Variants in SEPTIN9 observed in about 807,000 individuals in gnomAD.
The protein encoded by SEPTIN9 is septin-9.
A neutral mutation model predicts 56.6 loss-of-function variants in SEPTIN9; 13 were observed. That is an observed-to-expected ratio of 0.23 (90% CI 0.15 to 0.37). SEPTIN9 has a LOEUF of 0.37. SEPTIN9 is among the 10% of genes least tolerant of loss of function. The probability of loss-of-function intolerance (pLI) is 1.00; values close to 1 mark genes in which losing one functional copy is unlikely to be tolerated. For synonymous variants in SEPTIN9, 332 were observed against 334.1 expected (o/e 0.99, Z 0.07); for missense variants, 650 against 823.1 (o/e 0.79, Z 2.57).
intron 2 of SEPTIN9, among the ~76,000 whole-genome samples, chr17:77,393,954 G>C (rs186876575): frequency 9.9e-4 from 151 of 152,268 alleles, no homozygotes; most frequent in Admixed American, 2.2e-3. Flanking sequence ...GCTCAGAGTA[G>C]ACTGTGGTTA....
chr17:77,314,049 A>C (rs1406811209), intron 2 of SEPTIN9, among the ~76,000 whole-genome samples: 1 of 152,012 alleles, frequency 6.6e-6, no homozygotes, highest in Non-Finnish European at 1.5e-5. Context: ...AAAATACAAA[A>C]AGTTAGCTGG....
chr17:77,432,594 C>G (rs546173251), intron 3 of SEPTIN9, among the ~76,000 whole-genome samples: 1 of 152,218 alleles, frequency 6.6e-6, no homozygotes, highest in Admixed American at 6.5e-5. Flanking sequence ...TTAACCCTTC[C>G]GTGCTCGTTT....
At chr17:77,295,155 T>A (rs989808355) in intron 1 of SEPTIN9, among the ~76,000 whole-genome samples, 1 of 152,220 alleles carries the variant, frequency 6.6e-6, no homozygotes, top group Non-Finnish European at 1.5e-5. Context: ...TAATTGATTG[T>A]AGGGAAAATA....
rs1343068827 is a variant in SEPTIN9, at chr17:77,476,921, CTT to C, written c.722-5221_722-5220del. Among the ~76,000 whole-genome samples, 3 of 152,178 alleles carry C rather than the reference CTT, an allele frequency of 2.0e-5. No individual in the cohort carries two copies. The highest frequency in any genetic ancestry group is 6.5e-5 in the Admixed American group (1 of 15,274). On this transcript the variant is annotated intron_variant, in intron 3 of 11. Coordinates refer to ENST00000427177, the MANE Select transcript of SEPTIN9 (RefSeq NM_001113491.2). This position sits in a 1 kb window ranked among gnomAD's most constrained non-coding sequence, Gnocchi z 6.0. Reference sequence around the variant, plus strand: ...GGGCACTTGTGGAAAACACTGGACTCTTTATTTTATTTTACTTTACATTCTGG... The same window carrying C: ...GGGCACTTGTGGAAAACACTGGACTCTATTTTATTTTACTTTACATTCTGG...
chr17:77,340,660 A>G (rs908927452), intron 2 of SEPTIN9, among the ~76,000 whole-genome samples: 1 of 152,236 alleles, frequency 6.6e-6, no homozygotes, highest in African/African-American at 2.4e-5. Flanking sequence ...CTTTAAAGAC[A>G]GGCATTGACT....
At chr17:77,305,650 A>AGAGATGG (rs2032229476) in intron 1 of SEPTIN9, among the ~76,000 whole-genome samples, 1 of 151,830 alleles carries the variant, frequency 6.6e-6, no homozygotes, top group Non-Finnish European at 1.5e-5. Context: ...CAGGCTTAGT[A>AGAGATGG]GAGATGGGTA....
chr17:77,367,843 A>G lies in SEPTIN9; in HGVS notation c.77-34216A>G, dbSNP rs889075747. 6.6e-6 allele frequency among the ~76,000 whole-genome samples: 1 copy of G among 152,008 alleles called. No homozygotes were observed. The highest frequency in any genetic ancestry group is 1.5e-5 in the Non-Finnish European group (1 of 68,018). On this transcript the variant is annotated intron_variant, in intron 2 of 11. Transcript: ENST00000427177. This position sits in a 1 kb window ranked among gnomAD's most constrained non-coding sequence, Gnocchi z 4.5. ...AATAATAATGCTAATAATAAATAAA[A>G]TAATAATAATAAAATAATAAAAGCA... is the stretch of plus-strand genomic sequence containing the variant.
rs771996142 is a variant in SEPTIN9, at chr17:77,475,061, G to A, written c.722-7083G>A. Among the ~76,000 whole-genome samples, 2 of 152,180 alleles carry A rather than the reference G, an allele frequency of 1.3e-5. No homozygotes were observed. Among genetic ancestry groups the A allele is most frequent in the Non-Finnish European group, 2.9e-5 (2 of 68,032 alleles). ...GAGCCCCCAGTAAACCTCGGCTGCT[G>A]TGATGAGCTTTGTTTCTTCATTTGT... On this transcript the variant is annotated intron_variant, in intron 3 of 11. Coordinates refer to ENST00000427177, the MANE Select transcript of SEPTIN9 (RefSeq NM_001113491.2). The surrounding 1 kb of genome is among the most constrained non-coding windows in gnomAD (Gnocchi z 4.6).
Position 77,307,217 on chromosome 17 carries a change from C to G in SEPTIN9, c.76+20C>G, listed in dbSNP as rs771828661. On this transcript the variant is annotated intron_variant, in intron 2 of 11. Transcript: ENST00000427177. ...GCCCAGGTAGGTGGCTCGCTCCGCT[C>G]TGGCCCCACCCAGCTCATGGGTGTG... 1 of 1,609,530 alleles carries G rather than the reference C, an allele frequency of 6.2e-7. No homozygotes were observed. Among genetic ancestry groups the G allele is most frequent in the Non-Finnish European group, 8.5e-7 (1 of 1,176,454 alleles).
chr17:77,451,676 C>G lies in SEPTIN9; in HGVS notation c.722-30468C>G. The G allele has an allele frequency of 1.9e-6, 1 of 521,174 alleles. No individual in the cohort carries two copies. Among genetic ancestry groups the G allele is most frequent in the Non-Finnish European group, 2.5e-6 (1 of 405,556 alleles). 32.3% of individuals were successfully genotyped at this position (521,174 alleles called of 1,614,324 possible). ...GGCCCCGGCCCGAGGCCGGCAGGAC[C>G]GAGCGGGGTCCCCAGGAGAGGGGTG... On this transcript the variant is annotated intron_variant, in intron 3 of 11. Transcript: ENST00000427177. The surrounding 1 kb of genome is among the most constrained non-coding windows in gnomAD (Gnocchi z 4.2).
chr17:77,468,442 G>T (rs561027415), intron 3 of SEPTIN9, among the ~76,000 whole-genome samples: 3 of 152,182 alleles, frequency 2.0e-5, no homozygotes, highest in Admixed American at 2.0e-4. Flanking sequence ...GAGGCTGTGC[G>T]TGGATGGAAG....
chr17:77,332,766 T>A (rs1306422193), intron 2 of SEPTIN9, among the ~76,000 whole-genome samples: 3 of 152,176 alleles, frequency 2.0e-5, no homozygotes, highest in Non-Finnish European at 4.4e-5. Flanking sequence ...TTTGAGTGTT[T>A]CTTAGAGCTA....
At chr17:77,489,676 G>A (rs1336293824) in intron 7 of SEPTIN9, among the ~76,000 whole-genome samples, 2 of 152,312 alleles carry the variant, frequency 1.3e-5, no homozygotes, top group East Asian at 3.9e-4. Context: ...CATACTCTGT[G>A]GGCACCAGGT....
At chr17:77,447,041 A>C (rs1466639804) in intron 3 of SEPTIN9, 1 of 167,120 alleles carries the variant, frequency 6.0e-6, no homozygotes, top group Admixed American at 6.5e-5. Flanking sequence ...CCCCGTATCC[A>C]TGAAGGACTC....
chr17:77,465,209 G>A (rs944479813), intron 3 of SEPTIN9, among the ~76,000 whole-genome samples: 1 of 152,218 alleles, frequency 6.6e-6, no homozygotes, highest in African/African-American at 2.4e-5. Context: ...TTCCATCGTG[G>A]ATAGACCACA....
chr17:77,330,771 G>A lies in SEPTIN9; in HGVS notation c.76+23574G>A, dbSNP rs78654449. Reference sequence around the variant, plus strand: ...CTGTCCGGCAGCAGAAGGGAACCCCGGGCCTGGGCCTCTCCATTCTGTGGC... The same window carrying A: ...CTGTCCGGCAGCAGAAGGGAACCCCAGGCCTGGGCCTCTCCATTCTGTGGC... On this transcript the variant is annotated intron_variant, in intron 2 of 11. Coordinates refer to ENST00000427177, the MANE Select transcript of SEPTIN9 (RefSeq NM_001113491.2). This position sits in a 1 kb window ranked among gnomAD's most constrained non-coding sequence, Gnocchi z 4.4. 0.42 allele frequency among the ~76,000 whole-genome samples: 63,449 copies of A among 152,172 alleles called. 14,237 individuals are homozygous for A. Among genetic ancestry groups the A allele is most frequent in the East Asian group, 0.54 (2,795 of 5,178 alleles).
rs555964254 is a variant in SEPTIN9 at position 77,479,149 on chromosome 17, C to T, written c.722-2995C>T. ...GGACTGCACACTTCAAAATAGTGAC[C>T]GTGGCAAACGTTATGACAATTAAAA... On this transcript the variant is annotated intron_variant, in intron 3 of 11. Transcript: ENST00000427177. Among the ~76,000 whole-genome samples the T allele has an allele frequency of 1.1e-4, 17 of 152,348 alleles. No individual in the cohort carries two copies. The South Asian group carries it at 1.7e-3, about 15-fold the overall frequency.
chr17:77,321,919 G>T (rs1376515050), intron 2 of SEPTIN9, among the ~76,000 whole-genome samples: 1 of 152,228 alleles, frequency 6.6e-6, no homozygotes, highest in Non-Finnish European at 1.5e-5. Flanking sequence ...AGCAGGAGCC[G>T]CAGGGCAGGG....
Position 77,475,918 on chromosome 17 carries a change from G to T in SEPTIN9, c.722-6226G>T. 1 of 1,600,772 alleles carries T rather than the reference G, an allele frequency of 6.2e-7. No homozygotes were observed. The highest frequency in any genetic ancestry group is 1.1e-5 in the South Asian group (1 of 89,992). On this transcript the variant is annotated intron_variant, in intron 3 of 11. Coordinates refer to ENST00000427177, the MANE Select transcript of SEPTIN9 (RefSeq NM_001113491.2). The surrounding 1 kb of genome is among the most constrained non-coding windows in gnomAD (Gnocchi z 4.6). ...TGACAGACAAGGTGTGTGGGGATGT[G>T]GCCATTTCGGTCCGTGCTCTGAGAG...
Sources: allele counts gnomAD v4.1 joint callset (sites outside exome capture counted in the v4.1 genomes callset), GRCh38; gene constraint gnomAD v4.1.1; non-coding constraint Gnocchi (gnomAD v3.1); transcripts MANE v1.5; gene names NCBI Gene and HGNC (gene_info 2026-07-23, HGNC 2026-07-21).